Variants in ZDHHC15 observed in about 807,000 individuals in gnomAD.
The protein encoded by ZDHHC15 is zDHHC palmitoyltransferase 15.
ZDHHC15 carries 19 observed loss-of-function variants against 31.7 expected under a neutral mutation model. That is an observed-to-expected ratio of 0.60 (90% confidence interval 0.42 to 0.88). The LOEUF (loss-of-function observed/expected upper bound fraction) is 0.88, where lower values mean the gene tolerates loss of function less well. Ranked by LOEUF, ZDHHC15 falls within the 40% of genes least tolerant of loss-of-function variation. The pLI is 0.00. For missense variants in ZDHHC15, 209 were observed against 251.2 expected, an observed-to-expected ratio of 0.83 and a Z score of 1.14; for synonymous variants, 103 against 90.0, an observed-to-expected ratio of 1.14 and a Z score of -0.82.
chrX:75,396,279 G>A (rs2083298227), intron 10 of ZDHHC15, among the ~76,000 whole-genome samples: 1 of 111,943 alleles, frequency 8.9e-6, no homozygotes, highest in Non-Finnish European at 1.9e-5. Context: ...AATACATAAA[G>A]AGTTCAAACA....
rs2084441050 is a variant in ZDHHC15 at position 75,468,151 on chromosome X, C to T, written c.258+10740G>A. Among the ~76,000 whole-genome samples the T allele has an allele frequency of 3.7e-5, 4 of 108,873 alleles. No homozygotes were observed. The Admixed American group carries it at 4.0e-4, about 11-fold the overall frequency. The allele number at this position is 108,873 out of a possible 115,157, so 94.5% of individuals were successfully genotyped here. A position where few individuals can be genotyped will look rare whatever the true frequency, so the allele number is the denominator to read the frequency against. On this transcript the variant is annotated intron_variant, in intron 3 of 11. Coordinates refer to ENST00000373367, the MANE Select transcript of ZDHHC15 (RefSeq NM_144969.3). The stretch of plus-strand genomic sequence containing the variant: ...ACCTCTGCCTCCTGGGTTCAAGCGA[C>T]TCTCCTGCCTCCGCCTCCCGAGTAA...
At chrX:75,406,146 T>C (rs2083408821) in intron 10 of ZDHHC15, among the ~76,000 whole-genome samples, 1 of 111,171 alleles carries the variant, frequency 9.0e-6, no homozygotes, top group Non-Finnish European at 1.9e-5. Context: ...AAAAAATGTC[T>C]TGAAACAAAT....
At chrX:75,518,807 ACACACAC>A in intron 1 of ZDHHC15, among the ~76,000 whole-genome samples, 1 of 6,857 alleles carries the variant, frequency 1.5e-4, no homozygotes, top group Admixed American at 3.4e-3. Context: ...ATATATATAT[ACACACAC>A]ACACACACAC....
At chrX:75,429,818 C>T in intron 6 of ZDHHC15, 130 bp downstream of exon 6, 1 of 634,936 alleles carries the variant, frequency 1.6e-6, no homozygotes, top group Non-Finnish European at 2.4e-6. Flanking sequence ...TCCCCTGTCC[C>T]CTACAGAAAT....
chrX:75,438,724 T>C (rs1241773293), intron 4 of ZDHHC15, among the ~76,000 whole-genome samples: 1 of 111,655 alleles, frequency 9.0e-6, no homozygotes, highest in Non-Finnish European at 1.9e-5. Context: ...ATGCCTTTTT[T>C]ACATTGTGTT....
intron 10 of ZDHHC15, among the ~76,000 whole-genome samples, chrX:75,413,965 C>T (rs2083515486): frequency 9.0e-6 from 1 of 111,250 alleles, no homozygotes; most frequent in African/African-American, 3.3e-5. Flanking sequence ...TAGATGCCAC[C>T]CATCCAATTT....
At chrX:75,417,229 C>T (rs2083558735) in intron 9 of ZDHHC15, 39 bp from the exon 10 acceptor site, 1 of 998,822 alleles carries the variant, frequency 1.0e-6, no homozygotes, top group Non-Finnish European at 1.4e-6. Flanking sequence ...TTGCAGCTGA[C>T]ATAGACTTTT....
intron 10 of ZDHHC15, among the ~76,000 whole-genome samples, chrX:75,397,118 G>C (rs945741654): frequency 2.7e-5 from 3 of 110,404 alleles, no homozygotes; most frequent in African/African-American, 9.9e-5. Context: ...CCTGAGGTCA[G>C]GAGCTCGAGA....
intron 3 of ZDHHC15, among the ~76,000 whole-genome samples, chrX:75,451,726 C>A (rs192883287): frequency 2.7e-4 from 30 of 111,548 alleles, no homozygotes; most frequent in African/African-American, 9.4e-4. Context: ...GAAATAATAC[C>A]TACTTCATAA....
At chrX:75,426,678 T>C (rs1368118220) in intron 7 of ZDHHC15, among the ~76,000 whole-genome samples, 1 of 111,639 alleles carries the variant, frequency 9.0e-6, no homozygotes, top group East Asian at 2.8e-4. Context: ...CAATCTCTTA[T>C]CAAAGTAGCT....
chrX:75,429,877 G>T, intron 6 of ZDHHC15, 71 bp downstream of exon 6: 1 of 1,056,750 alleles, frequency 9.5e-7, no homozygotes, highest in Non-Finnish European at 1.3e-6. Context: ...TGACAACTAT[G>T]CTTAGAAAAG....
rs1181030709 is a variant in ZDHHC15, at chrX:75,397,156, G to A, written c.968-17958C>T. On this transcript the variant is annotated intron_variant, in intron 10 of 11. Transcript: ENST00000373367. ...AGCCTGGCCAACATGGTGAAACCCCGTCATTACTAAAAATACAAAAATTAG... is the reference window on the plus strand; with the variant it reads ...AGCCTGGCCAACATGGTGAAACCCCATCATTACTAAAAATACAAAAATTAG... 4.5e-5 allele frequency among the ~76,000 whole-genome samples: 5 copies of A among 110,023 alleles called. No homozygotes were observed. The East Asian group carries it at 8.6e-4, about 19-fold the overall frequency.
At chrX:75,417,262 A>C in intron 9 of ZDHHC15, 72 bp from the exon 10 acceptor site, 1 of 727,395 alleles carries the variant, frequency 1.4e-6, no homozygotes, top group Non-Finnish European at 2.1e-6. Context: ...ATCCTCTTAA[A>C]AACAAGAGGG....
intron 4 of ZDHHC15, among the ~76,000 whole-genome samples, chrX:75,435,398 G>A (rs1394560718): frequency 9.0e-6 from 1 of 111,694 alleles, no homozygotes; most frequent in Admixed American, 9.5e-5. Context: ...AATGGTGAAA[G>A]TGGGCATCTT....
chrX:75,404,219 A>C (rs1306766928), intron 10 of ZDHHC15, among the ~76,000 whole-genome samples: 1 of 112,118 alleles, frequency 8.9e-6, no homozygotes, highest in African/African-American at 3.2e-5. Flanking sequence ...CATATACAAA[A>C]ATCAATTCAA....
At chrX:75,389,174 T>C (rs1192602043) in intron 10 of ZDHHC15, among the ~76,000 whole-genome samples, 1 of 111,359 alleles carries the variant, frequency 9.0e-6, no homozygotes, top group African/African-American at 3.3e-5. Context: ...CAAGCCCTAA[T>C]CAGATAAGAA....
At chrX:75,440,627 C>G (rs912129409) in intron 4 of ZDHHC15, among the ~76,000 whole-genome samples, 17 of 112,348 alleles carry the variant, frequency 1.5e-4, no homozygotes, top group African/African-American at 4.8e-4. Context: ...TGGCCTCCAG[C>G]CAGGAGGTGG....
At chrX:75,478,741 C>T (rs2084643766) in intron 3 of ZDHHC15, 150 bp downstream of exon 3, 1 of 440,943 alleles carries the variant, frequency 2.3e-6, no homozygotes, top group Non-Finnish European at 3.8e-6. Flanking sequence ...ATAGCCTATC[C>T]TACCCTCAAT....
rs772444096 is a variant in ZDHHC15 at position 75,452,114 on chromosome X, G to A, written c.259-1192C>T. Among the ~76,000 whole-genome samples, 13 of 108,886 alleles carry A rather than the reference G, an allele frequency of 1.2e-4. 1 individual carries two copies. The highest frequency in any genetic ancestry group is 1.9e-4 in the Non-Finnish European group (10 of 52,604). The allele number at this position is 108,886 out of a possible 115,157, so 94.6% of individuals were successfully genotyped here. ...TTGGATGAAGAGTCAAGACCCATCA[G>A]AGTGCTGTATTCAGGAGACCCATCT... On this transcript the variant is annotated intron_variant, in intron 3 of 11. Coordinates refer to ENST00000373367, the MANE Select transcript of ZDHHC15 (RefSeq NM_144969.3).
Sources: allele counts gnomAD v4.1 joint callset (sites outside exome capture counted in the v4.1 genomes callset), GRCh38; gene constraint gnomAD v4.1.1; transcripts MANE v1.5; gene names NCBI Gene and HGNC (gene_info 2026-07-23, HGNC 2026-07-21).